Variants in AGBL4 observed in about 807,000 individuals in gnomAD.
The protein encoded by AGBL4 is cytosolic carboxypeptidase 6.
Under a neutral mutation model 66.4 loss-of-function variants are expected in AGBL4, and 58 were observed. The ratio of observed to expected loss-of-function variants is 0.87; its 90% CI spans 0.71 to 1.09. AGBL4 has a LOEUF of 1.09. Among genes scored for constraint, AGBL4 ranks in the 50% least tolerant of loss-of-function variants. The probability of loss-of-function intolerance (pLI) is 0.00; values close to 1 mark genes in which losing one functional copy is unlikely to be tolerated. For synonymous variants in AGBL4, 234 were observed against 222.9 expected, an observed-to-expected ratio of 1.05 and a Z score of -0.44; for missense variants, 579 against 631.0, an observed-to-expected ratio of 0.92 and a Z score of 0.88.
At chr1:48,964,546 T>C (rs1418017816) in intron 5 of AGBL4, among the ~76,000 whole-genome samples, 1 of 152,192 alleles carries the variant, frequency 6.6e-6, no homozygotes, top group Non-Finnish European at 1.5e-5. Flanking sequence ...AAGTACTTTA[T>C]GCAAATCTTT....
intron 3 of AGBL4, among the ~76,000 whole-genome samples, chr1:49,588,235 C>T (rs116476162): frequency 6.6e-6 from 1 of 152,274 alleles, no homozygotes; most frequent in African/African-American, 2.4e-5. Flanking sequence ...AGTTATAATA[C>T]ACCATAATGC....
rs114401165 is a variant in AGBL4, at chr1:49,388,595, T to C, written c.283-142731A>G. Reference sequence around the variant, plus strand: ...ACTCAATACTTCAATCATTATCCTATGATTCTTGATTAAATATGCTACAAC... The same window carrying C: ...ACTCAATACTTCAATCATTATCCTACGATTCTTGATTAAATATGCTACAAC... On this transcript the variant is annotated intron_variant, in intron 3 of 13. Coordinates refer to ENST00000371839, the MANE Select transcript of AGBL4 (RefSeq NM_032785.4). 5.1e-3 allele frequency among the ~76,000 whole-genome samples: 777 copies of C among 152,288 alleles called. 9 individuals are homozygous for C. The highest frequency in any genetic ancestry group is 7.2e-3 in the Non-Finnish European group (492 of 68,008).
At chr1:49,009,380 T>A (rs1486244255) in intron 5 of AGBL4, among the ~76,000 whole-genome samples, 1 of 150,888 alleles carries the variant, frequency 6.6e-6, no homozygotes, top group Non-Finnish European at 1.5e-5. Flanking sequence ...ATTGTGGCAA[T>A]AATCAATAGC....
chr1:49,234,911 T>A (rs1179365282), intron 4 of AGBL4, among the ~76,000 whole-genome samples: 3 of 152,206 alleles, frequency 2.0e-5, no homozygotes, highest in Non-Finnish European at 4.4e-5. Flanking sequence ...GACCGTTTTC[T>A]GAGCCCTGGT....
intron 3 of AGBL4, among the ~76,000 whole-genome samples, chr1:49,363,342 C>T (rs1228414838): frequency 6.6e-6 from 1 of 152,176 alleles, no homozygotes; most frequent in Non-Finnish European, 1.5e-5. Context: ...ACACGGTTGG[C>T]TGGCCTAGAG....
At chr1:49,126,999 A>G (rs1321553172) in intron 4 of AGBL4, among the ~76,000 whole-genome samples, 1 of 152,192 alleles carries the variant, frequency 6.6e-6, no homozygotes, top group Non-Finnish European at 1.5e-5. Context: ...AAAGACTTAA[A>G]GGTATGCTTC....
At chr1:49,472,487 A>C (rs571691627) in intron 3 of AGBL4, among the ~76,000 whole-genome samples, 1 of 152,140 alleles carries the variant, frequency 6.6e-6, no homozygotes, top group South Asian at 2.1e-4. Context: ...AGTCTCAGAA[A>C]AGAATATGAA....
At chr1:49,485,885 T>G (rs908691892) in intron 3 of AGBL4, among the ~76,000 whole-genome samples, 10 of 151,732 alleles carry the variant, frequency 6.6e-5, no homozygotes, top group African/African-American at 2.4e-4. Context: ...ATAGAAAAAA[T>G]GAAGAATACC....
chr1:49,457,140 G>A (rs1646407788), intron 3 of AGBL4, among the ~76,000 whole-genome samples: 1 of 151,554 alleles, frequency 6.6e-6, no homozygotes, highest in African/African-American at 2.4e-5. Flanking sequence ...GTTCTTTAAG[G>A]TCTTTAACAG....
intron 1 of AGBL4, among the ~76,000 whole-genome samples, chr1:50,003,912 A>C (rs145888774): frequency 6.6e-6 from 1 of 152,320 alleles, no homozygotes; most frequent in African/African-American, 2.4e-5. Flanking sequence ...TCCTTCCCAC[A>C]GGAACACCAA....
At chr1:49,961,062 T>C (rs950027428) in intron 1 of AGBL4, among the ~76,000 whole-genome samples, 3 of 152,074 alleles carry the variant, frequency 2.0e-5, no homozygotes, top group Non-Finnish European at 4.4e-5. Context: ...ATGGGTTACG[T>C]TGAAATTGAT....
At chr1:49,768,617 C>T (rs754494774) in intron 2 of AGBL4, among the ~76,000 whole-genome samples, 7 of 152,090 alleles carry the variant, frequency 4.6e-5, no homozygotes, top group African/African-American at 7.2e-5. Context: ...AACCAGAATG[C>T]GACAAGGATG....
chr1:48,971,638 C>A (rs185230619), intron 5 of AGBL4, among the ~76,000 whole-genome samples: 1 of 152,028 alleles, frequency 6.6e-6, no homozygotes, highest in Admixed American at 6.6e-5. Context: ...GCAATGGAAT[C>A]AAAAGTGGCT....
chr1:49,583,279 C>T (rs1447335007), intron 3 of AGBL4, among the ~76,000 whole-genome samples: 1 of 152,174 alleles, frequency 6.6e-6, no homozygotes, highest in Admixed American at 6.5e-5. Flanking sequence ...GAGGGTGGCA[C>T]ACTCCCAACT....
chr1:48,562,100 T>C (rs931062329), intron 11 of AGBL4, among the ~76,000 whole-genome samples: 1 of 152,218 alleles, frequency 6.6e-6, no homozygotes, highest in African/African-American at 2.4e-5. Context: ...GCAACCATAT[T>C]GCAGACCTTG....
At chr1:49,559,451 A>G (rs1281001263) in intron 3 of AGBL4, among the ~76,000 whole-genome samples, 1 of 152,132 alleles carries the variant, frequency 6.6e-6, no homozygotes, top group Non-Finnish European at 1.5e-5. Flanking sequence ...GATGCAAAGT[A>G]TTGTTTCTGG....
chr1:49,860,237 C>T (rs1571733078), intron 1 of AGBL4, among the ~76,000 whole-genome samples: 1 of 151,890 alleles, frequency 6.6e-6, no homozygotes, highest in Non-Finnish European at 1.5e-5. Context: ...AAAATCAAAG[C>T]AATTTTGGAA....
chr1:48,899,124 C>T (rs1008861005), intron 5 of AGBL4, among the ~76,000 whole-genome samples: 1 of 152,236 alleles, frequency 6.6e-6, no homozygotes, highest in African/African-American at 2.4e-5. Context: ...CGTGAAGCCC[C>T]CGACAGGCCC....
At chr1:49,992,150 T>C (rs1204121652) in intron 1 of AGBL4, among the ~76,000 whole-genome samples, 1 of 152,088 alleles carries the variant, frequency 6.6e-6, no homozygotes, top group Non-Finnish European at 1.5e-5. Context: ...GGCGGGCAGA[T>C]CACGAGGTCA....
Sources: allele counts gnomAD v4.1 joint callset (sites outside exome capture counted in the v4.1 genomes callset), GRCh38; gene constraint gnomAD v4.1.1; transcripts MANE v1.5; gene names NCBI Gene and HGNC (gene_info 2026-07-23, HGNC 2026-07-21).